The following FGF14 variants were observed in gnomAD, a reference collection of about 807,000 sequenced individuals.
The protein encoded by FGF14 is fibroblast growth factor homologous factor 4.
A neutral mutation model predicts 25.5 loss-of-function variants in FGF14; 5 were observed. That is an observed-to-expected ratio of 0.20 (90% CI 0.10 to 0.41). The LOEUF is 0.41. Among genes scored for constraint, FGF14 ranks in the 10% least tolerant of loss-of-function variants. The pLI is 1.00. For synonymous variants in FGF14, 138 were observed against 118.3 expected (o/e 1.17, Z -1.08); for missense variants, 222 against 320.1 (o/e 0.69, Z 2.34).
At chr13:102,284,933 GTCTC>G in intron 1 of FGF14, among the ~76,000 whole-genome samples, 1 of 150,012 alleles carries the variant, frequency 6.7e-6, no homozygotes, top group South Asian at 2.1e-4. Context: ...CTCCCCCTCC[GTCTC>G]TCTCTCCCTC....
chr13:102,149,371 G>A (rs554154649), intron 1 of FGF14, among the ~76,000 whole-genome samples: 2 of 152,206 alleles, frequency 1.3e-5, no homozygotes, highest in South Asian at 2.1e-4. Context: ...GATAAAATAA[G>A]TCAACAGGCT....
At chr13:101,921,716 T>A (rs2034019722), upstream of FGF14, among the ~76,000 whole-genome samples, 1 of 152,210 alleles carries the variant, frequency 6.6e-6, no homozygotes, top group South Asian at 2.1e-4. Flanking sequence ...CTGCCTTCAG[T>A]TGTTCTCTGA....
At chr13:102,173,548 T>C (rs1743909127) in intron 1 of FGF14, among the ~76,000 whole-genome samples, 1 of 152,156 alleles carries the variant, frequency 6.6e-6, no homozygotes, top group South Asian at 2.1e-4. Flanking sequence ...TGCAGCATGA[T>C]TCTCAACAGC....
intron 1 of FGF14, among the ~76,000 whole-genome samples, chr13:101,886,789 A>G (rs183410291): frequency 2.6e-4 from 40 of 152,288 alleles, no homozygotes; most frequent in African/African-American, 9.4e-4. Flanking sequence ...TTTGCCAACT[A>G]TCTATCTAAC....
chr13:102,170,315 C>T (rs2048195375), intron 1 of FGF14, among the ~76,000 whole-genome samples: 1 of 152,098 alleles, frequency 6.6e-6, no homozygotes, highest in African/African-American at 2.4e-5. Flanking sequence ...TATCAACTCT[C>T]CTTTTTGCCT....
chr13:102,273,402 C>T (rs989930157), intron 1 of FGF14, among the ~76,000 whole-genome samples: 2 of 152,184 alleles, frequency 1.3e-5, no homozygotes, highest in Non-Finnish European at 2.9e-5. Context: ...GACTCGCCAC[C>T]TGTTCAGAGG....
Position 102,027,211 on chromosome 13 carries a change from A to C in FGF14, c.209-151915T>G, listed in dbSNP as rs558715734. On this transcript the variant is annotated intron_variant, in intron 1 of 4. Coordinates refer to the FGF14 transcript ENST00000376131. Reference sequence around the variant, plus strand: ...CAACTTGAGAAATAAAAAGAAACACACACACACATACACACAGACACACAC... The same window carrying C: ...CAACTTGAGAAATAAAAAGAAACACCCACACACATACACACAGACACACAC... Among the ~76,000 whole-genome samples, 3 of 151,856 alleles carry C rather than the reference A, an allele frequency of 2.0e-5. No homozygotes were observed. In the South Asian group the frequency reaches 6.2e-4, roughly 32 times the overall value.
intron 1 of FGF14, chr13:102,394,773 C>G (rs1267325434): frequency 6.6e-6 from 1 of 152,402 alleles, no homozygotes; most frequent in African/African-American, 2.4e-5. Context: ...GTTGGGCTCC[C>G]TCCTCCTCAG....
At position 101,747,873 on chromosome 13, in the gene FGF14, C is replaced by A. The variant is rs538402647; in HGVS notation, c.409-21063G>T. Among the ~76,000 whole-genome samples the A allele has an allele frequency of 1.4e-4, 21 of 152,024 alleles. 1 individual carries two copies. In the South Asian group the frequency reaches 4.4e-3, roughly 32 times the overall value. Reference sequence around the variant, plus strand: ...GCCAAGAAGCATATGAAAAAATGCTCACATCACTAATCAAGAGAAATGCAA... The same window carrying A: ...GCCAAGAAGCATATGAAAAAATGCTAACATCACTAATCAAGAGAAATGCAA... On this transcript the variant is annotated intron_variant, in intron 3 of 4. Coordinates refer to ENST00000376143, the MANE Select transcript of FGF14 (RefSeq NM_004115.4).
intron 3 of FGF14, among the ~76,000 whole-genome samples, chr13:101,747,402 TA>T (rs2036960409): frequency 6.6e-6 from 1 of 151,990 alleles, no homozygotes; most frequent in Non-Finnish European, 1.5e-5. Flanking sequence ...AAAGAAAAGT[TA>T]CAAAATGCTA....
In FGF14 at chr13:101,715,931, A is replaced by G; in HGVS notation, c.*6900T>C. The G allele has an allele frequency of 2.8e-6, 1 of 355,158 alleles. No homozygotes were observed. The highest frequency in any genetic ancestry group is 3.0e-5 in the South Asian group (1 of 33,598). The allele number at this position is 355,158 out of a possible 1,614,324, so 22.0% of individuals were successfully genotyped here. On this transcript the variant is annotated 3_prime_UTR_variant, in exon 5 of 5. Coordinates refer to ENST00000376143, the MANE Select transcript of FGF14 (RefSeq NM_004115.4). ...ACCCAAAAGTCATTTGGCAACATCT[A>G]CAGACAATTTTGATTGTCACACTGG... is the stretch of plus-strand genomic sequence containing the variant.
At chr13:102,044,360 T>TAA (rs35773516) in intron 1 of FGF14, among the ~76,000 whole-genome samples, 16 of 147,008 alleles carry the variant, frequency 1.1e-4, no homozygotes, top group African/African-American at 3.0e-4. Flanking sequence ...ATTGCAATGA[T>TAA]AAAAAAAAAA....
At chr13:101,835,001 A>G (rs544707274) in intron 3 of FGF14, among the ~76,000 whole-genome samples, 14 of 152,216 alleles carry the variant, frequency 9.2e-5, no homozygotes, top group South Asian at 6.2e-4. Flanking sequence ...GAGGTTAACT[A>G]TGATGGCCTA....
chr13:102,331,974 C>T (rs1483022469), intron 1 of FGF14, among the ~76,000 whole-genome samples: 2 of 152,106 alleles, frequency 1.3e-5, no homozygotes, highest in Non-Finnish European at 2.9e-5. Context: ...GCGCAGCACC[C>T]AACACAATAA....
At chr13:101,934,532 C>T (rs2034975727) in intron 1 of FGF14, among the ~76,000 whole-genome samples, 1 of 152,200 alleles carries the variant, frequency 6.6e-6, no homozygotes, top group South Asian at 2.1e-4. Context: ...ACAGGGATTA[C>T]ACATTTGTCA....
intron 1 of FGF14, among the ~76,000 whole-genome samples, chr13:102,260,768 G>T (rs2052679988): frequency 6.6e-6 from 1 of 152,232 alleles, no homozygotes; most frequent in Non-Finnish European, 1.5e-5. Flanking sequence ...TACACACCCA[G>T]TGTAGCCTGT....
At chr13:101,902,493 C>T (rs898392863) in intron 1 of FGF14, among the ~76,000 whole-genome samples, 1 of 152,152 alleles carries the variant, frequency 6.6e-6, no homozygotes, top group Non-Finnish European at 1.5e-5. Flanking sequence ...CAGCCCACCC[C>T]ATTTTTCCTC....
chr13:101,792,915 A>C (rs2040319873), intron 3 of FGF14, among the ~76,000 whole-genome samples: 1 of 151,834 alleles, frequency 6.6e-6, no homozygotes, highest in Non-Finnish European at 1.5e-5. Flanking sequence ...ATATATATGA[A>C]GTACAAAGCA....
intron 1 of FGF14, among the ~76,000 whole-genome samples, chr13:101,976,961 T>C (rs142245032): frequency 3.3e-5 from 5 of 152,332 alleles, no homozygotes; most frequent in African/African-American, 1.2e-4. Flanking sequence ...CTTGTGAACC[T>C]TGGATAATAT....
Sources: allele counts gnomAD v4.1 joint callset (sites outside exome capture counted in the v4.1 genomes callset), GRCh38; gene constraint gnomAD v4.1.1; transcripts MANE v1.5; gene names NCBI Gene and HGNC (gene_info 2026-07-23, HGNC 2026-07-21).